The following DACT2 variants were observed in gnomAD, a reference collection of about 807,000 sequenced individuals.
DACT2 encodes dishevelled binding antagonist of beta catenin 2.
Under a neutral mutation model 22.2 loss-of-function variants are expected in DACT2, and 20 were observed. The ratio of observed to expected loss-of-function variants is 0.90; its 90% CI spans 0.63 to 1.31. DACT2 has a LOEUF of 1.31. Ranked by LOEUF, DACT2 falls within the 50% of genes most tolerant of loss-of-function variation. The pLI, the probability that DACT2 is intolerant of heterozygous loss-of-function variation, is 0.00. For missense variants in DACT2, 1,048 were observed against 1,061.4 expected, an observed-to-expected ratio of 0.99 and a Z score of 0.18; for synonymous variants, 463 against 479.8, an observed-to-expected ratio of 0.96 and a Z score of 0.46.
intron 1 of DACT2, among the ~76,000 whole-genome samples, chr6:168,318,012 G>A (rs1185917097): frequency 2.5e-5 from 3 of 117,706 alleles, no homozygotes; most frequent in Admixed American, 7.9e-5. Context: ...TGTGGCTGTC[G>A]TGTGCTGAGC....
chr6:168,312,754 TGAG>T (rs1453020914), intron 1 of DACT2, among the ~76,000 whole-genome samples: 1 of 152,222 alleles, frequency 6.6e-6, no homozygotes, highest in East Asian at 1.9e-4. Flanking sequence ...ACGTGGGAAA[TGAG>T]GAGTTCCCCT....
rs1779595471 is a variant in DACT2 at position 168,319,509 on chromosome 6, C to T, written c.125G>A (p.Arg42Gln). The T allele has an allele frequency of 1.5e-6, 2 of 1,329,620 alleles. No homozygotes were observed. Among genetic ancestry groups the T allele is most frequent in the African/African-American group, 1.5e-5 (1 of 65,790 alleles). 82.4% of individuals were successfully genotyped at this position (1,329,620 alleles called of 1,614,324 possible). A position where few individuals can be genotyped will look rare whatever the true frequency, so the allele number is the denominator to read the frequency against. Residue 42 changes from arginine to glutamine, a missense_variant, in exon 1 of 4, where the codon CGG (arginine) becomes CAG (glutamine). Arg to Gln is a conservative substitution (Grantham distance 43). Transcript: ENST00000366795. The stretch of plus-strand genomic sequence containing the variant: ...CTGCAGGGCCAGGGCGCCCCGTACC[C>T]GCTCCTGCTGCGTGGCTCGCAGCCC... The part of the protein sequence containing the change: ...LQGLRATQQE[R>Q]VRGALALQPP...
intron 1 of DACT2, among the ~76,000 whole-genome samples, chr6:168,312,872 A>G (rs972765330): frequency 6.6e-6 from 1 of 152,152 alleles, no homozygotes; most frequent in Admixed American, 6.5e-5. Context: ...TTCTGATGAG[A>G]GAATGACTTC....
exon 6 of DACT2, chr6:168,293,905 T>C: frequency 1.4e-6 from 1 of 703,478 alleles, no homozygotes; most frequent in Non-Finnish European, 2.6e-6. Context: ...CATTGCTGTC[T>C]TGAAATTCCT....
intron 1 of DACT2, among the ~76,000 whole-genome samples, chr6:168,311,499 C>T (rs1779396980): frequency 6.6e-6 from 1 of 150,504 alleles, no homozygotes. Context: ...CCCATCGCCC[C>T]CCACACACAT....
intron 1 of DACT2, among the ~76,000 whole-genome samples, chr6:168,311,667 CAT>C (rs1288967269): frequency 3.3e-5 from 5 of 151,408 alleles, no homozygotes; most frequent in African/African-American, 7.3e-5. Flanking sequence ...CCCATACACA[CAT>C]ATACACACAC....
intron 3 of DACT2, among the ~76,000 whole-genome samples, chr6:168,294,947 A>T (rs1008127493): frequency 6.6e-6 from 1 of 152,212 alleles, no homozygotes; most frequent in African/African-American, 2.4e-5. Flanking sequence ...CCGTGGCATG[A>T]AAAGGAGCTG....
chr6:168,306,010 C>T (rs1330498324), downstream of DACT2, among the ~76,000 whole-genome samples: 1 of 152,206 alleles, frequency 6.6e-6, no homozygotes, highest in Non-Finnish European at 1.5e-5. Flanking sequence ...CCTGCCTCCA[C>T]TGTCTTCACT....
chr6:168,301,159 G>A (rs1433980878), intron 3 of DACT2, among the ~76,000 whole-genome samples: 4 of 152,146 alleles, frequency 2.6e-5, no homozygotes, highest in East Asian at 3.9e-4. Flanking sequence ...TCCGGAGGCC[G>A]AGCAGCCTGG....
Position 168,319,413 on chromosome 6 carries a change from G to A in DACT2, c.221C>T (p.Ala74Val). The A allele has an allele frequency of 1.7e-6, 2 of 1,203,164 alleles. No homozygotes were observed. The highest frequency in any genetic ancestry group is 2.1e-6 in the Non-Finnish European group (2 of 969,776). 74.5% of individuals were successfully genotyped at this position (1,203,164 alleles called of 1,614,324 possible). A position where few individuals can be genotyped will look rare whatever the true frequency, so the allele number is the denominator to read the frequency against. The part of the protein sequence containing the change: ...LHGPEQQLEA[A>V]LAALQEQLSR... Reference sequence around the variant, plus strand: ...CAGCTGCTCCTGCAGCGCGGCCAGCGCCGCCTCCAGCTGCTGCTCGGGGCC... The same window carrying A: ...CAGCTGCTCCTGCAGCGCGGCCAGCACCGCCTCCAGCTGCTGCTCGGGGCC... The change falls in exon 1 of 4, where the codon GCG becomes GTG. Residue 74 changes from alanine (A) to valine (V), a missense_variant. Transcript: ENST00000366795.
intron 3 of DACT2, among the ~76,000 whole-genome samples, chr6:168,295,428 G>A (rs943757605): frequency 1.3e-5 from 2 of 152,102 alleles, no homozygotes; most frequent in Admixed American, 1.3e-4. Flanking sequence ...CAAAACTAGT[G>A]AGAGGGTTTA....
chr6:168,319,578 C>A lies in DACT2; in HGVS notation c.56G>T (p.Gly19Val). The A allele has an allele frequency of 7.3e-7, 1 of 1,375,998 alleles. No homozygotes were observed. The highest frequency in any genetic ancestry group is 9.5e-7 in the Non-Finnish European group (1 of 1,057,508). 85.2% of individuals were successfully genotyped at this position (1,375,998 alleles called of 1,614,324 possible). A position where few individuals can be genotyped will look rare whatever the true frequency, so the allele number is the denominator to read the frequency against. ...GSAGWDRRRL[G>V]ARLRAAFAGL... is the part of the protein sequence containing the mutation. Reference sequence around the variant, plus strand: ...CGCGAACGCCGCGCGCAACCTCGCGCCCAACCTACGGCGGTCCCAGCCCGC... The same window carrying A: ...CGCGAACGCCGCGCGCAACCTCGCGACCAACCTACGGCGGTCCCAGCCCGC... Residue 19 changes from glycine to valine, a missense_variant, in exon 1 of 4, where the codon GGC becomes GTC. By Grantham distance (109) the Gly-to-Val change is moderately radical. Transcript: ENST00000366795.
chr6:168,302,423 G>C (rs1779127954), downstream of DACT2, among the ~76,000 whole-genome samples: 2 of 152,178 alleles, frequency 1.3e-5, no homozygotes, highest in Non-Finnish European at 2.9e-5. Context: ...TTTTCAGAGA[G>C]GGCTGTTTTC....
chr6:168,301,525 T>G (rs1042265618), intron 3 of DACT2, among the ~76,000 whole-genome samples: 6 of 152,230 alleles, frequency 3.9e-5, no homozygotes, highest in African/African-American at 1.4e-4. Context: ...CAGTAACTTC[T>G]GTGACAATCA....
chr6:168,318,042 C>T (rs549533367), intron 1 of DACT2, among the ~76,000 whole-genome samples: 1 of 118,752 alleles, frequency 8.4e-6, no homozygotes, highest in Admixed American at 7.9e-5. Context: ...GCAGAAGCTG[C>T]GATTGTGTCT....
downstream of DACT2, among the ~76,000 whole-genome samples, chr6:168,306,035 C>T (rs972612471): frequency 2.6e-5 from 4 of 152,228 alleles, no homozygotes; most frequent in Admixed American, 2.0e-4. Flanking sequence ...GGGAGCTAAG[C>T]AGCAGCCTCC....
In DACT2 at chr6:168,297,895, C is replaced by T. The variant is rs572451636; in HGVS notation, c.659-3191G>A. ...AGACACGGGCGTGTGGAGGTGTCGG[C>T]GCAGCCCGGGTGGGTCCGTGTCCCA... On this transcript the variant is annotated intron_variant, in intron 3 of 5. Coordinates refer to the DACT2 transcript ENST00000366796. Among the ~76,000 whole-genome samples, 10 of 152,310 alleles carry T rather than the reference C, an allele frequency of 6.6e-5. No homozygotes were observed. The Middle Eastern group carries it at 0.014, about 207-fold the overall frequency.
chr6:168,301,098 C>T (rs1779095981), intron 3 of DACT2, among the ~76,000 whole-genome samples: 1 of 152,234 alleles, frequency 6.6e-6, no homozygotes. Context: ...CTCCGGTTTT[C>T]TTGGAGCCCG....
chr6:168,314,480 C>T (rs1404806003), intron 1 of DACT2, among the ~76,000 whole-genome samples: 3 of 152,192 alleles, frequency 2.0e-5, no homozygotes, highest in African/African-American at 7.2e-5. Flanking sequence ...TAACAAGCTT[C>T]CCAGGGACCA....
Sources: allele counts gnomAD v4.1 joint callset (sites outside exome capture counted in the v4.1 genomes callset), GRCh38; gene constraint gnomAD v4.1.1; transcripts MANE v1.5; gene names NCBI Gene and HGNC (gene_info 2026-07-23, HGNC 2026-07-21).